The following TOX2 variants were observed in gnomAD, a reference collection of about 807,000 sequenced individuals.
The protein encoded by TOX2 is granulosa cell HMG box 1.
A neutral mutation model predicts 47.4 loss-of-function variants in TOX2; 15 were observed. The ratio of observed to expected loss-of-function variants is 0.32; its 90% CI spans 0.21 to 0.49. TOX2 has a LOEUF of 0.49. TOX2 is among the 20% of genes least tolerant of loss of function. The pLI, the probability that TOX2 is intolerant of heterozygous loss-of-function variation, is 0.99. For missense variants in TOX2, 622 were observed against 673.1 expected, an observed-to-expected ratio of 0.92 and a Z score of 0.84; for synonymous variants, 290 against 296.6, an observed-to-expected ratio of 0.98 and a Z score of 0.23.
chr20:44,047,852 T>TAAAAAAAAAAAAA (rs1198225728), intron 3 of TOX2, among the ~76,000 whole-genome samples: 1 of 141,886 alleles, frequency 7.0e-6, no homozygotes, highest in Non-Finnish European at 1.6e-5. Flanking sequence ...AAAAAAAAAT[T>TAAAAAAAAAAAAA]AAAAAAAAAA....
intron 5 of TOX2, among the ~76,000 whole-genome samples, chr20:44,059,278 A>G (rs1298734023): frequency 6.6e-6 from 1 of 152,216 alleles, no homozygotes; most frequent in Non-Finnish European, 1.5e-5. Context: ...AGAACTTCAG[A>G]GCTCAAAGAC....
At chr20:43,955,271 A>G (rs569723885) in intron 1 of TOX2, 3 of 985,482 alleles carry the variant, frequency 3.0e-6, no homozygotes, top group African/African-American at 3.5e-5. Flanking sequence ...GGATCTGTGC[A>G]TGTGAGTAGC....
intron 2 of TOX2, among the ~76,000 whole-genome samples, chr20:43,991,079 C>A (rs1424179156): frequency 6.6e-6 from 1 of 152,040 alleles, no homozygotes; most frequent in Non-Finnish European, 1.5e-5. Context: ...TTTTAAAATC[C>A]CTTGATCCAA....
chr20:43,935,880 T>G (rs192174544), intron 1 of TOX2, among the ~76,000 whole-genome samples: 1 of 123,948 alleles, frequency 8.1e-6, no homozygotes, highest in African/African-American at 3.2e-5. Context: ...TGAGCCAAGA[T>G]CATGCCATTG....
At chr20:44,012,606 TATCTTTGGG>T (rs1164545999) in intron 3 of TOX2, among the ~76,000 whole-genome samples, 1 of 152,218 alleles carries the variant, frequency 6.6e-6, no homozygotes, top group Non-Finnish European at 1.5e-5. Context: ...TCCTGTTTGC[TATCTTTGGG>T]ATCTTGGACA....
chr20:43,937,966 TGCAAGTA>T (rs1256012113), intron 1 of TOX2, among the ~76,000 whole-genome samples: 1 of 152,070 alleles, frequency 6.6e-6, no homozygotes, highest in Non-Finnish European at 1.5e-5. Context: ...CATGAAACCG[TGCAAGTA>T]GCTGCCCAGT....
intron 1 of TOX2, among the ~76,000 whole-genome samples, chr20:43,931,142 GT>G (rs145421400): frequency 1.3e-5 from 2 of 151,940 alleles, no homozygotes; most frequent in African/African-American, 4.8e-5. Context: ...CATCTTTTAT[GT>G]TTTTTTTCTT....
intron 1 of TOX2, among the ~76,000 whole-genome samples, chr20:43,953,237 G>A (rs78451423): frequency 9.2e-6 from 1 of 108,160 alleles, no homozygotes; most frequent in South Asian, 3.2e-4. Context: ...AAGAGAATAT[G>A]TTGTTTTAAG....
intron 2 of TOX2, among the ~76,000 whole-genome samples, chr20:43,989,264 T>C (rs973167878): frequency 3.3e-5 from 5 of 152,192 alleles, no homozygotes; most frequent in Non-Finnish European, 5.9e-5. Flanking sequence ...TAGCCCATGC[T>C]GAGGGGGTTC....
At chr20:43,954,419 C>T (rs1288569181) in intron 1 of TOX2, among the ~76,000 whole-genome samples, 1 of 152,200 alleles carries the variant, frequency 6.6e-6, no homozygotes, top group Non-Finnish European at 1.5e-5. Flanking sequence ...TGTTTGTTGC[C>T]TGCCTCCTGC....
intron 3 of TOX2, among the ~76,000 whole-genome samples, chr20:44,047,061 G>T (rs529459461): frequency 1.3e-5 from 2 of 152,270 alleles, no homozygotes; most frequent in African/African-American, 4.8e-5. Flanking sequence ...TAACTTTAGG[G>T]TCAGAGAGAA....
chr20:43,958,241 G>T (rs1029782259), intron 1 of TOX2, among the ~76,000 whole-genome samples: 1 of 152,024 alleles, frequency 6.6e-6, no homozygotes, highest in Non-Finnish European at 1.5e-5. Flanking sequence ...GTGGCTTCAC[G>T]GAATGTTTCA....
At chr20:43,993,734 C>T (rs1196621560) in intron 2 of TOX2, among the ~76,000 whole-genome samples, 5 of 152,174 alleles carry the variant, frequency 3.3e-5, no homozygotes, top group African/African-American at 1.2e-4. Flanking sequence ...ATAGTTCTGA[C>T]AGAGACCATA....
chr20:44,051,946 G>C (rs1350840452), intron 4 of TOX2, among the ~76,000 whole-genome samples: 1 of 152,220 alleles, frequency 6.6e-6, no homozygotes, highest in East Asian at 1.9e-4. Flanking sequence ...CAAATGTTGA[G>C]GGGATGGGGT....
chr20:43,979,431 G>A (rs897842359), intron 2 of TOX2, among the ~76,000 whole-genome samples: 1 of 152,200 alleles, frequency 6.6e-6, no homozygotes, highest in South Asian at 2.1e-4. Flanking sequence ...TAGAAACCAC[G>A]GGCAGAGTAA....
chr20:43,939,900 A>G (rs773493354), intron 1 of TOX2, among the ~76,000 whole-genome samples: 1 of 152,206 alleles, frequency 6.6e-6, no homozygotes, highest in Non-Finnish European at 1.5e-5. Context: ...CTGCTGAGTG[A>G]CCACAGGGAT....
intron 1 of TOX2, among the ~76,000 whole-genome samples, chr20:43,943,959 A>G (rs992267785): frequency 6.6e-6 from 1 of 152,254 alleles, no homozygotes; most frequent in Admixed American, 6.5e-5. Context: ...ATTTGAGCCT[A>G]GAAAGTTCTT....
chr20:43,918,514 C>A (rs538456647), intron 1 of TOX2, among the ~76,000 whole-genome samples: 2 of 152,314 alleles, frequency 1.3e-5, no homozygotes, highest in African/African-American at 4.8e-5. Flanking sequence ...TACCTGATTT[C>A]TGTTACCAAT....
In TOX2 at chr20:44,069,245, A is replaced by G. The variant is rs1204087267; in HGVS notation, c.*559A>G. The G allele has an allele frequency of 4.1e-6, 1 of 242,394 alleles. No homozygotes were observed. Among genetic ancestry groups the G allele is most frequent in the Admixed American group, 5.2e-5 (1 of 19,364 alleles). The allele number at this position is 242,394 out of a possible 1,614,324, so 15.0% of individuals were successfully genotyped here. A position where few individuals can be genotyped will look rare whatever the true frequency, so the allele number is the denominator to read the frequency against. On this transcript the variant is annotated 3_prime_UTR_variant, in exon 9 of 9. Transcript: ENST00000341197. ...AAAAAGTAGTTTCCTTTAAGGTAAAAAGCATTTTATATGATCCTTAGCACA... is the reference window on the plus strand; with the variant it reads ...AAAAAGTAGTTTCCTTTAAGGTAAAGAGCATTTTATATGATCCTTAGCACA...
Sources: allele counts gnomAD v4.1 joint callset (sites outside exome capture counted in the v4.1 genomes callset), GRCh38; gene constraint gnomAD v4.1.1; transcripts MANE v1.5; gene names NCBI Gene and HGNC (gene_info 2026-07-23, HGNC 2026-07-21).